Variants in SPOCK3 observed in about 807,000 individuals in gnomAD.
The protein encoded by SPOCK3 is testican-3.
Under a neutral mutation model 56.6 loss-of-function variants are expected in SPOCK3, and 30 were observed. That is an observed-to-expected ratio of 0.53 (90% CI 0.40 to 0.72). SPOCK3 has a LOEUF of 0.72. Among genes scored for constraint, SPOCK3 ranks in the 30% least tolerant of loss-of-function variants. SPOCK3 has a pLI of 0.00. For synonymous variants in SPOCK3, 196 were observed against 183.3 expected (o/e 1.07, Z -0.56); for missense variants, 527 against 530.0 (o/e 0.99, Z 0.06).
At chr4:167,233,917 G>GGCGGCC (rs2111195187) in intron 2 of SPOCK3, 68 bp downstream of exon 2, 1 of 1,411,586 alleles carries the variant, frequency 7.1e-7, no homozygotes, top group African/African-American at 1.4e-5. Flanking sequence ...ACCCACATCC[G>GGCGGCC]GCGGCCGCGG....
At chr4:166,878,472 A>AATGTATATTTTAT (rs1225883142) in intron 6 of SPOCK3, among the ~76,000 whole-genome samples, 2,818 of 139,990 alleles carry the variant, frequency 0.02, 80 homozygotes, top group East Asian at 0.059. Flanking sequence ...AAATTTTTAA[A>AATGTATATTTTAT]ATGTATATTT....
chr4:166,753,485 T>G lies in SPOCK3; in HGVS notation c.931+1023A>C, dbSNP rs561729301. 5.3e-5 allele frequency among the ~76,000 whole-genome samples: 8 copies of G among 152,128 alleles called. No individual in the cohort carries two copies. The East Asian group carries it at 1.5e-3, about 29-fold the overall frequency. Reference sequence around the variant, plus strand: ...TTTATTAATAGTTAAGTTACTGTACTCAACTAAAGCTTCTGTTGACTCACC... The same window carrying G: ...TTTATTAATAGTTAAGTTACTGTACGCAACTAAAGCTTCTGTTGACTCACC... On this transcript the variant is annotated intron_variant, in intron 8 of 10. Transcript: ENST00000357545.
rs1200095386 is a variant in SPOCK3, at chr4:166,951,259, A to G, written c.351-38516T>C. On this transcript the variant is annotated intron_variant, in intron 4 of 10. Transcript: ENST00000357545. ...AAATGATAAAGGGGATATCACCACC[A>G]ATCCCACAGAAATACAAACTACCAT... Among the ~76,000 whole-genome samples, 6 of 140,914 alleles carry G rather than the reference A, an allele frequency of 4.3e-5. 1 individual carries two copies. The South Asian group carries it at 6.6e-4, about 15-fold the overall frequency. The allele number at this position is 140,914 out of a possible 152,430, so 92.4% of individuals were successfully genotyped here. A position where few individuals can be genotyped will look rare whatever the true frequency, so the allele number is the denominator to read the frequency against.
At chr4:166,908,619 A>T (rs1736893609) in intron 5 of SPOCK3, among the ~76,000 whole-genome samples, 1 of 151,870 alleles carries the variant, frequency 6.6e-6, no homozygotes, top group African/African-American at 2.4e-5. Flanking sequence ...TCAATTGCCA[A>T]GCACTGCATC....
At chr4:166,825,617 C>G (rs967771521) in intron 6 of SPOCK3, among the ~76,000 whole-genome samples, 2 of 151,958 alleles carry the variant, frequency 1.3e-5, no homozygotes, top group Non-Finnish European at 2.9e-5. Context: ...TTCACAATTG[C>G]AAAAACATGG....
chr4:166,960,854 A>T (rs906984969), intron 4 of SPOCK3, among the ~76,000 whole-genome samples: 1 of 150,610 alleles, frequency 6.6e-6, no homozygotes, highest in African/African-American at 2.5e-5. Context: ...GGGAACTGGG[A>T]ACTGAATAGT....
At chr4:166,888,822 A>G (rs575899856) in intron 6 of SPOCK3, among the ~76,000 whole-genome samples, 3 of 150,236 alleles carry the variant, frequency 2.0e-5, no homozygotes, top group Non-Finnish European at 4.5e-5. Flanking sequence ...AAAGAAAAAA[A>G]TGATATAAAA....
chr4:167,211,205 A>T (rs1734839594), intron 2 of SPOCK3, among the ~76,000 whole-genome samples: 1 of 151,892 alleles, frequency 6.6e-6, no homozygotes, highest in African/African-American at 2.4e-5. Flanking sequence ...GTTTTGGCCA[A>T]TTTCTCCCAT....
intron 7 of SPOCK3, among the ~76,000 whole-genome samples, chr4:166,789,041 T>C (rs1741046643): frequency 6.7e-6 from 1 of 148,938 alleles, no homozygotes; most frequent in Non-Finnish European, 1.5e-5. Context: ...ACATTTTTAT[T>C]TGGCTTCAGT....
chr4:167,010,457 C>T (rs1185645084), intron 3 of SPOCK3, among the ~76,000 whole-genome samples: 2 of 143,996 alleles, frequency 1.4e-5, no homozygotes, highest in Admixed American at 7.4e-5. Context: ...GAAGTTGAGG[C>T]TGCAGTAAGC....
intron 4 of SPOCK3, among the ~76,000 whole-genome samples, chr4:166,952,137 C>T (rs1172665498): frequency 6.6e-6 from 1 of 152,132 alleles, no homozygotes; most frequent in Non-Finnish European, 1.5e-5. Flanking sequence ...AAGAGGTAGT[C>T]AAATTGTCCC....
intron 2 of SPOCK3, among the ~76,000 whole-genome samples, chr4:167,090,269 C>T (rs924937860): frequency 4.6e-5 from 7 of 152,108 alleles, no homozygotes; most frequent in Non-Finnish European, 7.4e-5. Context: ...TTGCTCTGCA[C>T]CCTCATCAGC....
intron 4 of SPOCK3, among the ~76,000 whole-genome samples, chr4:166,996,989 G>A (rs1579943473): frequency 6.6e-6 from 1 of 152,032 alleles, no homozygotes; most frequent in Non-Finnish European, 1.5e-5. Flanking sequence ...TATCCTTCTT[G>A]AACAAGATAA....
chr4:166,804,103 T>C (rs1742901722), intron 6 of SPOCK3, among the ~76,000 whole-genome samples: 1 of 152,140 alleles, frequency 6.6e-6, no homozygotes, highest in Non-Finnish European at 1.5e-5. Context: ...TTTTGCTTGG[T>C]TTGGCCCAAT....
chr4:166,880,722 A>G (rs1395945425), intron 6 of SPOCK3, among the ~76,000 whole-genome samples: 1 of 152,172 alleles, frequency 6.6e-6, no homozygotes, highest in East Asian at 1.9e-4. Flanking sequence ...TCGACAAGGC[A>G]TAACCATTTA....
At chr4:167,136,938 C>T (rs1006922169) in intron 2 of SPOCK3, among the ~76,000 whole-genome samples, 25 of 152,098 alleles carry the variant, frequency 1.6e-4, no homozygotes, top group African/African-American at 5.5e-4. Context: ...GAAAGAATGA[C>T]CTTGATTAAG....
chr4:167,010,950 T>A (rs1443583093), intron 3 of SPOCK3, among the ~76,000 whole-genome samples: 1 of 152,156 alleles, frequency 6.6e-6, no homozygotes, highest in Non-Finnish European at 1.5e-5. Context: ...ATTATATAGT[T>A]ACTTTCATCC....
At chr4:167,223,022 T>C (rs1344278280) in intron 2 of SPOCK3, among the ~76,000 whole-genome samples, 3 of 123,020 alleles carry the variant, frequency 2.4e-5, no homozygotes, top group Non-Finnish European at 4.7e-5. Flanking sequence ...TATATGAATA[T>C]ATAATATATT....
At chr4:167,124,230 G>A (rs570366104) in intron 2 of SPOCK3, among the ~76,000 whole-genome samples, 3 of 152,196 alleles carry the variant, frequency 2.0e-5, no homozygotes, top group East Asian at 3.9e-4. Context: ...ACTCCCCAGG[G>A]ACTTCATCTG....
Sources: allele counts gnomAD v4.1 joint callset (sites outside exome capture counted in the v4.1 genomes callset), GRCh38; gene constraint gnomAD v4.1.1; transcripts MANE v1.5; gene names NCBI Gene and HGNC (gene_info 2026-07-23, HGNC 2026-07-21).